YTHDF2: variants seen among roughly 807,000 people sequenced by gnomAD.
YTHDF2 encodes YTH domain-containing family protein 2.
YTHDF2 carries 2 observed loss-of-function variants against 50.4 expected under a neutral mutation model. The observed-to-expected ratio is 0.04, with a 90% CI of 0.02 to 0.12. The LOEUF (loss-of-function observed/expected upper bound fraction) is 0.12, where lower values mean the gene tolerates loss of function less well. Among genes scored for constraint, YTHDF2 ranks in the 10% least tolerant of loss-of-function variants. The pLI, the probability that YTHDF2 is intolerant of heterozygous loss-of-function variation, is 1.00. For synonymous variants in YTHDF2, 217 were observed against 255.6 expected (o/e 0.85, Z 1.44); for missense variants, 483 against 722.6 (o/e 0.67, Z 3.80).
chr1:28,751,163 C>CA (rs1260560026), intron 4 of YTHDF2, among the ~76,000 whole-genome samples: 3 of 143,880 alleles, frequency 2.1e-5, no homozygotes, highest in African/African-American at 8.0e-5. Flanking sequence ...GAGGCTGAGG[C>CA]AGGAGAATCT....
At chr1:28,737,374 TTC>T in intron 1 of YTHDF2, 2 of 632,818 alleles carry the variant, frequency 3.2e-6, no homozygotes, top group East Asian at 6.5e-5. Context: ...CCGCGTTCCC[TTC>T]TCTCGGCGGG....
chr1:28,746,691 C>T (rs2087867085), intron 4 of YTHDF2, among the ~76,000 whole-genome samples: 1 of 151,712 alleles, frequency 6.6e-6, no homozygotes, highest in Admixed American at 6.6e-5. Flanking sequence ...ACCCGGGAGG[C>T]AGGGGTTGCA....
intron 1 of YTHDF2, 32 bp downstream of exon 1, chr1:28,737,179 G>A (rs1407007983): frequency 1.3e-6 from 2 of 1,558,144 alleles, no homozygotes; most frequent in South Asian, 1.2e-5. Flanking sequence ...CTCGGCCATT[G>A]TGTGAGGCGA....
chr1:28,741,795 T>G (rs1446230704), intron 3 of YTHDF2, among the ~76,000 whole-genome samples: 1 of 152,214 alleles, frequency 6.6e-6, no homozygotes, highest in Non-Finnish European at 1.5e-5. Flanking sequence ...CCATTTCTTT[T>G]TGTTATTCTT....
intron 2 of YTHDF2, chr1:28,737,923 T>G: frequency 3.4e-6 from 2 of 592,128 alleles, no homozygotes; most frequent in Non-Finnish European, 6.0e-6. Context: ...CTCCAGGTCC[T>G]TAGTTTCCTG....
intron 4 of YTHDF2, among the ~76,000 whole-genome samples, chr1:28,752,632 A>G (rs759721724): frequency 1.5e-4 from 23 of 152,200 alleles, no homozygotes; most frequent in Non-Finnish European, 3.1e-4. Context: ...CAAATGCTGT[A>G]TATAAATCAA....
intron 4 of YTHDF2, among the ~76,000 whole-genome samples, chr1:28,753,222 T>C (rs1038653462): frequency 1.3e-5 from 2 of 151,120 alleles, no homozygotes; most frequent in African/African-American, 2.4e-5. Flanking sequence ...GTTTGCCAGA[T>C]AGAAAAGTAG....
intron 4 of YTHDF2, among the ~76,000 whole-genome samples, chr1:28,753,207 A>G (rs528723298): frequency 4.6e-5 from 7 of 151,694 alleles, no homozygotes; most frequent in African/African-American, 7.3e-5. Flanking sequence ...TCCATGATCT[A>G]TGAAGTTTGC....
intron 4 of YTHDF2, among the ~76,000 whole-genome samples, chr1:28,750,554 A>G (rs2087935647): frequency 6.6e-6 from 1 of 152,170 alleles, no homozygotes; most frequent in Non-Finnish European, 1.5e-5. Context: ...AGGTTTGTGA[A>G]GATGAATTTG....
At chr1:28,747,792 A>G (rs1387913184) in intron 4 of YTHDF2, among the ~76,000 whole-genome samples, 4 of 151,462 alleles carry the variant, frequency 2.6e-5, no homozygotes, top group Non-Finnish European at 5.9e-5. Context: ...CTTCAATTAT[A>G]CTTCTGTCAG....
chr1:28,743,800 G>A lies in YTHDF2; in HGVS notation c.1530G>A (p.Leu510=), dbSNP rs2124630868. The change falls in exon 4 of 5, where the codon CTG becomes CTA. Residue 510 remains leucine (L), a synonymous_variant. Coordinates refer to ENST00000373812, the MANE Select transcript of YTHDF2 (RefSeq NM_016258.3). The surrounding 1 kb of genome is among the most constrained non-coding windows in gnomAD (Gnocchi z 6.9). ...TGAAGGACGTTCCCAATAGCCAACT[G>A]CGACACATTCGCCTAGAGAACAACG... is the stretch of plus-strand genomic sequence containing the variant. ...IFVKDVPNSQ[L]RHIRLENNEN... The A allele has an allele frequency of 6.2e-7, 1 of 1,613,578 alleles. No homozygotes were observed. The highest frequency in any genetic ancestry group is 1.7e-4 in the Middle Eastern group (1 of 6,058).
chr1:28,753,358 C>CAAAAAAAAAAAAAAAAAAAAAAAAAAAA lies in YTHDF2; in HGVS notation c.1716+9385_1716+9412dup, dbSNP rs34047138. ...GCAACATAATGAAATCCTGCCTCTC[C>CAAAAAAAAAAAAAAAAAAAAAAAAAAAA]AAAAAAAAAAAAAAAAAAAAAAAAA... On this transcript the variant is annotated intron_variant, in intron 4 of 4. Transcript: ENST00000373812. Among the ~76,000 whole-genome samples, 48 of 16,946 alleles carry CAAAAAAAAAAAAAAAAAAAAAAAAAAAA rather than the reference C, an allele frequency of 2.8e-3. 23 individuals are homozygous for CAAAAAAAAAAAAAAAAAAAAAAAAAAAA. The highest frequency in any genetic ancestry group is 3.7e-3 in the Admixed American group (4 of 1,072). The allele number at this position is 16,946 out of a possible 152,430, so 11.1% of individuals were successfully genotyped here. A position where few individuals can be genotyped will look rare whatever the true frequency, so the allele number is the denominator to read the frequency against.
intron 4 of YTHDF2, among the ~76,000 whole-genome samples, chr1:28,759,598 C>G (rs962733440): frequency 6.6e-6 from 1 of 152,180 alleles, no homozygotes; most frequent in Admixed American, 6.5e-5. Flanking sequence ...AGTATAGGCA[C>G]TTGTAATGCA....
Position 28,737,162 on chromosome 1 carries a change from C to T in YTHDF2, c.27+15C>T, listed in dbSNP as rs1224164247. 1.3e-6 allele frequency: 2 copies of T among 1,581,634 alleles called. No individual in the cohort carries two copies. The highest frequency in any genetic ancestry group is 8.6e-7 in the Non-Finnish European group (1 of 1,166,674). On this transcript the variant is annotated intron_variant, in intron 1 of 4. Transcript: ENST00000373812. ...TCTTGGAGCAGGTACAGGCCCGGCC[C>T]GCATGCCTCGGCCATTGTGTGAGGC...
chr1:28,743,605 T>C lies in YTHDF2; in HGVS notation c.1335T>C (p.Ala445=). ...TEHGNKRLDA[A]YRSMNGKGPV... ...ATGGTAACAAGAGACTGGATGCTGC[T>C]TATCGTTCCATGAACGGGAAAGGCC... Residue 445 remains alanine, a synonymous_variant, in exon 4 of 5, where the codon GCT becomes GCC. Coordinates refer to ENST00000373812, the MANE Select transcript of YTHDF2 (RefSeq NM_016258.3). This position sits in a 1 kb window ranked among gnomAD's most constrained non-coding sequence, Gnocchi z 6.9. 6.2e-7 allele frequency: 1 copy of C among 1,614,182 alleles called. No individual in the cohort carries two copies. Among genetic ancestry groups the C allele is most frequent in the Non-Finnish European group, 8.5e-7 (1 of 1,180,014 alleles).
At chr1:28,765,844 G>A (rs2088207672) in intron 4 of YTHDF2, among the ~76,000 whole-genome samples, 1 of 152,094 alleles carries the variant, frequency 6.6e-6, no homozygotes, top group South Asian at 2.1e-4. Flanking sequence ...GTTTTCCTGA[G>A]CCAGAGAGTT....
intron 2 of YTHDF2, 122 bp downstream of exon 2, chr1:28,737,804 C>A: frequency 8.6e-7 from 1 of 1,162,354 alleles, no homozygotes; most frequent in Non-Finnish European, 1.2e-6. Context: ...GCAGGTGCCG[C>A]ACACTTAAGT....
At chr1:28,757,778 C>T (rs2088056199) in intron 4 of YTHDF2, among the ~76,000 whole-genome samples, 2 of 150,512 alleles carry the variant, frequency 1.3e-5, no homozygotes, top group South Asian at 2.1e-4. Context: ...CAAAACTACT[C>T]ATCTTGGCAT....
chr1:28,750,868 A>G (rs2087940057), intron 4 of YTHDF2, among the ~76,000 whole-genome samples: 1 of 151,904 alleles, frequency 6.6e-6, no homozygotes, highest in Non-Finnish European at 1.5e-5. Flanking sequence ...TGAGATGAGC[A>G]CATCACTTGA....
Sources: allele counts gnomAD v4.1 joint callset (sites outside exome capture counted in the v4.1 genomes callset), GRCh38; gene constraint gnomAD v4.1.1; non-coding constraint Gnocchi (gnomAD v3.1); transcripts MANE v1.5; gene names NCBI Gene and HGNC (gene_info 2026-07-23, HGNC 2026-07-21).